The following LRIF1 variants were observed in gnomAD, a reference collection of about 807,000 sequenced individuals.
LRIF1 encodes the protein ligand dependent nuclear receptor interacting factor 1.
A neutral mutation model predicts 52.7 loss-of-function variants in LRIF1; 32 were observed. The ratio of observed to expected loss-of-function variants is 0.61; its 90% CI spans 0.46 to 0.82. The LOEUF is 0.82. Ranked by LOEUF, LRIF1 falls within the 40% of genes least tolerant of loss-of-function variation. The pLI is 0.00. For synonymous variants in LRIF1, 323 were observed against 317.4 expected (o/e 1.02, Z -0.19); for missense variants, 887 against 892.0 (o/e 0.99, Z 0.07).
chr1:110,899,246 A>G, the LRIF1 span: 2 of 1,305,228 alleles, frequency 1.5e-6, no homozygotes, highest in Non-Finnish European at 2.2e-6. Context: ...GGAAATGCAA[A>G]ACCATTTATA....
intron 1 of LRIF1, among the ~76,000 whole-genome samples, chr1:110,954,559 G>T (rs1658617292): frequency 1.3e-5 from 2 of 152,256 alleles, no homozygotes; most frequent in South Asian, 4.2e-4. Flanking sequence ...CAAAGAAAAG[G>T]ATGAATTCTT....
At chr1:110,929,734 A>G in the LRIF1 span, among the ~76,000 whole-genome samples, 2 of 152,168 alleles carry the variant, frequency 1.3e-5, no homozygotes, top group Admixed American at 6.5e-5. Flanking sequence ...GCTAGAGGCC[A>G]TTATCCTCAG....
the LRIF1 span, among the ~76,000 whole-genome samples, chr1:110,887,691 C>T: frequency 6.6e-6 from 1 of 152,282 alleles, no homozygotes; most frequent in South Asian, 2.1e-4. Flanking sequence ...CTTCTGTGTA[C>T]TCTAGCCTGT....
chr1:110,949,120 T>C (rs556216965), intron 3 of LRIF1, among the ~76,000 whole-genome samples: 2 of 151,930 alleles, frequency 1.3e-5, no homozygotes, highest in South Asian at 2.1e-4. Flanking sequence ...TGTTTATATA[T>C]ATATAATTTT....
the LRIF1 span, among the ~76,000 whole-genome samples, chr1:110,930,987 CAT>C: frequency 2.6e-5 from 4 of 151,706 alleles, no homozygotes; most frequent in South Asian, 8.3e-4. Context: ...GGCAGCATGA[CAT>C]TTTTTTTTTT....
At chr1:110,956,486 G>A (rs1456175476) in intron 1 of LRIF1, among the ~76,000 whole-genome samples, 1 of 152,180 alleles carries the variant, frequency 6.6e-6, no homozygotes, top group African/African-American at 2.4e-5. Context: ...AAAATAAAGG[G>A]ATTATTGGTC....
chr1:110,955,499 AC>A (rs965323150), intron 1 of LRIF1, among the ~76,000 whole-genome samples: 4 of 152,340 alleles, frequency 2.6e-5, no homozygotes, highest in Admixed American at 2.6e-4. Flanking sequence ...TAGGAAGAAA[AC>A]CATTGCTTCT....
the LRIF1 span, among the ~76,000 whole-genome samples, chr1:110,897,417 T>C: frequency 2.6e-5 from 4 of 152,238 alleles, no homozygotes; most frequent in Non-Finnish European, 5.9e-5. Flanking sequence ...AGGGCTATGA[T>C]GGATTTACTG....
rs1297622247 is a variant in LRIF1, at chr1:110,961,449, C to T, written c.68+2172G>A. On this transcript the variant is annotated intron_variant, in intron 1 of 3. Transcript: ENST00000369763. ...TTCTGACTCCTGCTTTATTCTTCGA[C>T]AATAAAACCCAAATCAATATAAATT... is the stretch of plus-strand genomic sequence containing the variant. Among the ~76,000 whole-genome samples the T allele has an allele frequency of 2.0e-5, 3 of 152,278 alleles. No individual in the cohort carries two copies. In the East Asian group the frequency reaches 5.8e-4, roughly 29 times the overall value.
chr1:110,896,904 C>G, the LRIF1 span, among the ~76,000 whole-genome samples: 1 of 152,142 alleles, frequency 6.6e-6, no homozygotes, highest in Non-Finnish European at 1.5e-5. Flanking sequence ...GAAAAACATA[C>G]AAACAAACTC....
chr1:110,929,357 T>C, the LRIF1 span, among the ~76,000 whole-genome samples: 1 of 152,210 alleles, frequency 6.6e-6, no homozygotes, highest in Non-Finnish European at 1.5e-5. Flanking sequence ...TCCATAAGGA[T>C]TGAACTACTT....
intron 1 of LRIF1, among the ~76,000 whole-genome samples, chr1:110,955,387 T>C (rs1658654556): frequency 6.6e-6 from 1 of 152,220 alleles, no homozygotes; most frequent in Non-Finnish European, 1.5e-5. Flanking sequence ...GACTGATTTT[T>C]TTCTCCAATC....
chr1:110,943,286 T>A (rs577780482), downstream of LRIF1, among the ~76,000 whole-genome samples: 24 of 152,180 alleles, frequency 1.6e-4, no homozygotes, highest in Admixed American at 9.2e-4. Flanking sequence ...AGAATAAAGT[T>A]AAGTAAGAGA....
At chr1:110,896,623 CCAT>C in the LRIF1 span, 1 of 1,602,996 alleles carries the variant, frequency 6.2e-7, no homozygotes, top group South Asian at 1.1e-5. Context: ...GACTTTCTAA[CCAT>C]CATCATTTTG....
At chr1:110,924,787 G>A in the LRIF1 span, among the ~76,000 whole-genome samples, 946 of 152,264 alleles carry the variant, frequency 6.2e-3, 6 homozygotes, top group Admixed American at 0.011. Flanking sequence ...TCTCACTCAT[G>A]AACATAGATG....
At chr1:110,943,063 GA>G (rs943767628), downstream of LRIF1, among the ~76,000 whole-genome samples, 1 of 151,516 alleles carries the variant, frequency 6.6e-6, no homozygotes, top group African/African-American at 2.4e-5. Context: ...GAGGTATGAG[GA>G]AAAAAAAGAT....
chr1:110,908,875 G>A, the LRIF1 span, among the ~76,000 whole-genome samples: 11 of 152,160 alleles, frequency 7.2e-5, no homozygotes, highest in African/African-American at 2.4e-4. Flanking sequence ...ACAAGTTCAG[G>A]AAATTCAGAG....
intron 1 of LRIF1, among the ~76,000 whole-genome samples, chr1:110,953,563 C>T (rs1658570392): frequency 6.6e-6 from 1 of 152,100 alleles, no homozygotes; most frequent in African/African-American, 2.4e-5. Context: ...TTTTTTTTAA[C>T]TGAATCAATT....
chr1:110,950,543 G>C (rs1043763752), intron 2 of LRIF1, among the ~76,000 whole-genome samples: 1 of 151,966 alleles, frequency 6.6e-6, no homozygotes, highest in Non-Finnish European at 1.5e-5. Flanking sequence ...TGTACTGAAG[G>C]GGAGAAATGC....
Sources: allele counts gnomAD v4.1 joint callset (sites outside exome capture counted in the v4.1 genomes callset), GRCh38; gene constraint gnomAD v4.1.1; transcripts MANE v1.5; gene names NCBI Gene and HGNC (gene_info 2026-07-23, HGNC 2026-07-21).